The following SCHIP1 variants were observed in gnomAD, a reference collection of about 807,000 sequenced individuals.
The protein encoded by SCHIP1 is schwannomin interacting protein 1.
In SCHIP1, 8 loss-of-function variants were observed where a neutral mutation model predicts 29.7. The observed-to-expected ratio is 0.27, with a 90% CI of 0.16 to 0.49. The LOEUF is 0.49. SCHIP1 is among the 20% of genes least tolerant of loss of function. The pLI is 0.99. For synonymous variants in SCHIP1, 76 were observed against 94.9 expected (o/e 0.80, Z 1.16); for missense variants, 193 against 294.6 (o/e 0.66, Z 2.52).
At chr3:159,397,021 T>A in the SCHIP1 span, among the ~76,000 whole-genome samples, 2 of 148,890 alleles carry the variant, frequency 1.3e-5, no homozygotes, top group African/African-American at 2.4e-5. Context: ...TGCTCGTTTC[T>A]TTTTATTCTT....
chr3:159,687,619 A>ATTGTAAG, the SCHIP1 span, among the ~76,000 whole-genome samples: 1 of 152,184 alleles, frequency 6.6e-6, no homozygotes. Context: ...TTTTTTATAT[A>ATTGTAAG]CTGTAAGTTC....
chr3:159,624,137 A>C, the SCHIP1 span, among the ~76,000 whole-genome samples: 1 of 152,236 alleles, frequency 6.6e-6, no homozygotes. Flanking sequence ...TGGCCCAGGA[A>C]TTGTGCTAAG....
chr3:159,472,649 A>AAAGGCCCTCGGCG, the SCHIP1 span, among the ~76,000 whole-genome samples: 1 of 152,208 alleles, frequency 6.6e-6, no homozygotes, highest in African/African-American at 2.4e-5. Flanking sequence ...GAAGACATTT[A>AAAGGCCCTCGGCG]GAGGCCCTCG....
At chr3:159,876,745 A>T (rs2109344288) in intron 2 of SCHIP1, among the ~76,000 whole-genome samples, 1 of 152,314 alleles carries the variant, frequency 6.6e-6, no homozygotes, top group Admixed American at 6.5e-5. Context: ...TGTGCACAAA[A>T]AGAGGAAGAA....
chr3:159,496,749 T>C, the SCHIP1 span, among the ~76,000 whole-genome samples: 1 of 152,184 alleles, frequency 6.6e-6, no homozygotes, highest in Non-Finnish European at 1.5e-5. Context: ...GCCATCCCAT[T>C]ACTGAGTATA....
chr3:159,316,363 A>G, the SCHIP1 span, among the ~76,000 whole-genome samples: 8 of 152,270 alleles, frequency 5.3e-5, no homozygotes, highest in African/African-American at 1.9e-4. Flanking sequence ...AGAAAGATGT[A>G]GGGTGGGAGG....
the SCHIP1 span, among the ~76,000 whole-genome samples, chr3:159,618,539 G>C: frequency 6.6e-6 from 1 of 152,196 alleles, no homozygotes. Context: ...GAAAATTTGT[G>C]CAAAGTGTTC....
chr3:159,779,506 CAAAA>C, the SCHIP1 span, among the ~76,000 whole-genome samples: 1 of 129,092 alleles, frequency 7.7e-6, no homozygotes, highest in African/African-American at 2.7e-5. Flanking sequence ...CTGTCTCTAC[CAAAA>C]AAAAAAAAAA....
the SCHIP1 span, among the ~76,000 whole-genome samples, chr3:159,466,565 G>A: frequency 1.3e-5 from 2 of 152,282 alleles, no homozygotes; most frequent in African/African-American, 2.4e-5. Context: ...TACCGTGACA[G>A]ATGAAAATTC....
chr3:159,672,646 C>G, the SCHIP1 span, among the ~76,000 whole-genome samples: 1 of 152,122 alleles, frequency 6.6e-6, no homozygotes, highest in Non-Finnish European at 1.5e-5. Context: ...TCCTACAATG[C>G]ACAGGACAGC....
chr3:159,522,038 T>A, the SCHIP1 span, among the ~76,000 whole-genome samples: 1 of 152,236 alleles, frequency 6.6e-6, no homozygotes, highest in African/African-American at 2.4e-5. Context: ...GACAAAAATA[T>A]ATTCATTTCA....
At chr3:159,769,410 T>G in the SCHIP1 span, among the ~76,000 whole-genome samples, 12 of 152,210 alleles carry the variant, frequency 7.9e-5, no homozygotes, top group African/African-American at 2.9e-4. Flanking sequence ...GTCTAGCCTG[T>G]TCCCTGTCTC....
chr3:159,461,234 T>C, the SCHIP1 span, among the ~76,000 whole-genome samples: 1 of 152,130 alleles, frequency 6.6e-6, no homozygotes, highest in Non-Finnish European at 1.5e-5. Context: ...CCTCTAAAAG[T>C]TGTATCTCTT....
chr3:159,328,269 G>A, the SCHIP1 span, among the ~76,000 whole-genome samples: 1 of 152,034 alleles, frequency 6.6e-6, no homozygotes, highest in Non-Finnish European at 1.5e-5. Flanking sequence ...AAGTTCTCTT[G>A]GACAATTGTG....
the SCHIP1 span, among the ~76,000 whole-genome samples, chr3:159,579,184 G>T: frequency 2.4e-4 from 36 of 152,314 alleles, 1 homozygote; most frequent in African/African-American, 8.2e-4. Flanking sequence ...TTTCTGAATA[G>T]ATTCAATGTA....
chr3:159,708,142 C>T, the SCHIP1 span, among the ~76,000 whole-genome samples: 1 of 152,074 alleles, frequency 6.6e-6, no homozygotes, highest in East Asian at 1.9e-4. Flanking sequence ...TCAGGAAACA[C>T]AAAAAGGCTG....
the SCHIP1 span, among the ~76,000 whole-genome samples, chr3:159,587,519 TGCA>T: frequency 6.6e-6 from 1 of 152,224 alleles, no homozygotes; most frequent in African/African-American, 2.4e-5. Flanking sequence ...GTGCACAACG[TGCA>T]GGTTTGTTAC....
chr3:159,374,312 C>A, the SCHIP1 span, among the ~76,000 whole-genome samples: 1 of 151,904 alleles, frequency 6.6e-6, no homozygotes. Flanking sequence ...CAGGGATAAG[C>A]AGGAAGGGTA....
At chr3:159,288,580 A>C in the SCHIP1 span, among the ~76,000 whole-genome samples, 4 of 152,214 alleles carry the variant, frequency 2.6e-5, no homozygotes, top group South Asian at 8.3e-4. Context: ...TCTACTAAAA[A>C]TACAATATTA....
Sources: gnomAD v4.1 joint callset for allele counts (sites outside exome capture counted in the v4.1 genomes callset) on GRCh38, gnomAD v4.1.1 for gene constraint, MANE v1.5 for transcripts, NCBI Gene and HGNC (gene_info 2026-07-23, HGNC 2026-07-21) for gene names.